The following IL1RAPL1 variants were observed in gnomAD, a reference collection of about 807,000 sequenced individuals.
IL1RAPL1 encodes interleukin 1 receptor accessory protein like 1.
Under a neutral mutation model 48.4 loss-of-function variants are expected in IL1RAPL1, and 3 were observed. The ratio of observed to expected loss-of-function variants is 0.06; its 90% CI spans 0.03 to 0.16. The LOEUF (loss-of-function observed/expected upper bound fraction) is 0.16, where lower values mean the gene tolerates loss of function less well. Among genes scored for constraint, IL1RAPL1 ranks in the 10% least tolerant of loss-of-function variants. IL1RAPL1 has a pLI of 1.00. For missense variants in IL1RAPL1, 349 were observed against 530.6 expected (o/e 0.66, Z 3.36); for synonymous variants, 185 against 187.7 (o/e 0.99, Z 0.12).
At chrX:29,381,833 AATATATATAT>A (rs35091339) in intron 3 of IL1RAPL1, among the ~76,000 whole-genome samples, 791 of 25,365 alleles carry the variant, frequency 0.031, 23 homozygotes, top group African/African-American at 0.086. Flanking sequence ...AAAAAAAAAA[AATATATATAT>A]ATATATATAT....
chrX:29,229,707 C>T (rs1429004167), intron 2 of IL1RAPL1, among the ~76,000 whole-genome samples: 3 of 112,129 alleles, frequency 2.7e-5, no homozygotes, highest in African/African-American at 9.7e-5. Flanking sequence ...CATGCAATGC[C>T]AGCATAAATT....
chrX:29,707,655 A>T (rs1927236572), intron 6 of IL1RAPL1, among the ~76,000 whole-genome samples: 1 of 112,022 alleles, frequency 8.9e-6, no homozygotes, highest in African/African-American at 3.2e-5. Flanking sequence ...TGGAATTGGA[A>T]ACTATTATTC....
chrX:28,916,478 G>A (rs945368511), intron 2 of IL1RAPL1, among the ~76,000 whole-genome samples: 3 of 112,272 alleles, frequency 2.7e-5, no homozygotes, highest in Non-Finnish European at 5.6e-5. Context: ...TACCTCCAGC[G>A]CTCTAGCCCA....
At chrX:28,951,493 AT>A (rs1481561547) in intron 2 of IL1RAPL1, among the ~76,000 whole-genome samples, 2 of 108,147 alleles carry the variant, frequency 1.8e-5, no homozygotes, top group Non-Finnish European at 3.8e-5. Context: ...TTAGGGTTTT[AT>A]TTTTATAGAA....
chrX:29,193,605 T>C (rs182033991), intron 2 of IL1RAPL1, among the ~76,000 whole-genome samples: 1,433 of 110,660 alleles, frequency 0.013, 10 homozygotes, highest in Non-Finnish European at 0.021. Flanking sequence ...TATAGTGTAG[T>C]AAAAGATTAG....
At chrX:29,774,103 C>T (rs934839919) in intron 6 of IL1RAPL1, among the ~76,000 whole-genome samples, 2 of 110,943 alleles carry the variant, frequency 1.8e-5, no homozygotes, top group Non-Finnish European at 3.8e-5. Flanking sequence ...CCTCTTCCTG[C>T]TCTTCCTCCT....
intron 5 of IL1RAPL1, among the ~76,000 whole-genome samples, chrX:29,448,748 A>G (rs1454906098): frequency 9.0e-6 from 1 of 111,198 alleles, no homozygotes; most frequent in Non-Finnish European, 1.9e-5. Flanking sequence ...CTCCACAACA[A>G]TACCATAGAC....
rs771444717 is a variant in IL1RAPL1, at chrX:29,846,403, G to C, written c.779-71061G>C. Among the ~76,000 whole-genome samples the C allele has an allele frequency of 8.9e-5, 10 of 111,803 alleles. No individual in the cohort carries two copies. The East Asian group carries it at 2.8e-3, about 32-fold the overall frequency. ...TTAGCCAAAGAGGACGGAAGAAATA[G>C]ACTCAAAAGTTGCTTATTAAAACTT... On this transcript the variant is annotated intron_variant, in intron 6 of 10. Transcript: ENST00000378993.
intron 1 of IL1RAPL1, among the ~76,000 whole-genome samples, chrX:28,684,111 T>C (rs1404493955): frequency 8.9e-6 from 1 of 112,323 alleles, no homozygotes; most frequent in Admixed American, 9.4e-5. Flanking sequence ...AAGAAACAAA[T>C]TATATACCCC....
intron 1 of IL1RAPL1, among the ~76,000 whole-genome samples, chrX:28,612,679 C>T (rs1934164804): frequency 8.9e-6 from 1 of 112,120 alleles, no homozygotes; most frequent in Non-Finnish European, 1.9e-5. Flanking sequence ...TATGAGAACA[C>T]TGTTGTGCAC....
chrX:29,764,776 A>G, intron 6 of IL1RAPL1, among the ~76,000 whole-genome samples: 1 of 112,247 alleles, frequency 8.9e-6, no homozygotes, highest in East Asian at 2.8e-4. Context: ...GCTGGACCCA[A>G]TGGTCAGAGC....
intron 2 of IL1RAPL1, among the ~76,000 whole-genome samples, chrX:28,831,034 G>C (rs867579668): frequency 0.064 from 2,490 of 38,676 alleles, 29 homozygotes; most frequent in African/African-American, 0.17. Flanking sequence ...CTCTGTGTGT[G>C]TGTGTGTGTG....
chrX:29,823,310 T>A (rs1327347478), intron 6 of IL1RAPL1, among the ~76,000 whole-genome samples: 1 of 112,086 alleles, frequency 8.9e-6, no homozygotes, highest in Admixed American at 9.5e-5. Context: ...AGTGTTCCTG[T>A]ATTTGAGACT....
chrX:29,477,107 C>T (rs1180799689), intron 5 of IL1RAPL1, among the ~76,000 whole-genome samples: 1 of 109,805 alleles, frequency 9.1e-6, no homozygotes, highest in African/African-American at 3.3e-5. Flanking sequence ...GTCTCGATCC[C>T]ATATTCTTAA....
chrX:29,647,752 C>A (rs1305937404), intron 5 of IL1RAPL1, among the ~76,000 whole-genome samples: 4 of 111,464 alleles, frequency 3.6e-5, no homozygotes, highest in African/African-American at 1.3e-4. Flanking sequence ...AAAGCATTTA[C>A]AAAACAGCTC....
chrX:29,670,049 A>G (rs1262531367), intron 6 of IL1RAPL1, among the ~76,000 whole-genome samples: 1 of 111,857 alleles, frequency 8.9e-6, no homozygotes, highest in Non-Finnish European at 1.9e-5. Flanking sequence ...TAATGAACAT[A>G]GTAAAAATGA....
At chrX:29,290,085 T>A (rs775328432) in intron 3 of IL1RAPL1, among the ~76,000 whole-genome samples, 15 of 111,878 alleles carry the variant, frequency 1.3e-4, no homozygotes, top group Non-Finnish European at 2.4e-4. Flanking sequence ...TATTCACTCA[T>A]GCTATGCTAA....
intron 2 of IL1RAPL1, among the ~76,000 whole-genome samples, chrX:29,131,274 G>GTGTATATA (rs1555967264): frequency 9.6e-6 from 1 of 103,998 alleles, no homozygotes; most frequent in African/African-American, 3.5e-5. Context: ...GTGTGTGTGT[G>GTGTATATA]TATATATATA....
intron 2 of IL1RAPL1, among the ~76,000 whole-genome samples, chrX:28,926,664 A>G (rs1206296480): frequency 8.9e-6 from 1 of 111,974 alleles, no homozygotes; most frequent in Non-Finnish European, 1.9e-5. Flanking sequence ...AGCCACAACA[A>G]TTCTCAAAGG....
Sources: gnomAD v4.1 joint callset for allele counts (sites outside exome capture counted in the v4.1 genomes callset) on GRCh38, gnomAD v4.1.1 for gene constraint, MANE v1.5 for transcripts, NCBI Gene and HGNC (gene_info 2026-07-23, HGNC 2026-07-21) for gene names.